Variants in TBL1XR1 observed in about 807,000 individuals in gnomAD.
The protein encoded by TBL1XR1 is TBL1X/Y related 1.
In TBL1XR1, 5 loss-of-function variants were observed where a neutral mutation model predicts 66.9. That is an observed-to-expected ratio of 0.07 (90% CI 0.04 to 0.16). The LOEUF is 0.16. Among genes scored for constraint, TBL1XR1 ranks in the 10% least tolerant of loss-of-function variants. The pLI, the probability that TBL1XR1 is intolerant of heterozygous loss-of-function variation, is 1.00. For missense variants in TBL1XR1, 238 were observed against 623.2 expected, an observed-to-expected ratio of 0.38 and a Z score of 6.58; for synonymous variants, 210 against 206.0, an observed-to-expected ratio of 1.02 and a Z score of -0.17.
At chr3:177,182,161 TG>T (rs201194874) in intron 1 of TBL1XR1, among the ~76,000 whole-genome samples, 3,108 of 152,154 alleles carry the variant, frequency 0.02, 55 homozygotes, top group Admixed American at 0.052. Context: ...CTACAGCAGG[TG>T]GATCACTTGA....
chr3:177,115,451 T>C (rs550304794), intron 1 of TBL1XR1, among the ~76,000 whole-genome samples: 192 of 152,286 alleles, frequency 1.3e-3, no homozygotes, highest in African/African-American at 4.4e-3. Context: ...CATAGTCATA[T>C]TGTGCTGCTT....
chr3:177,117,134 G>C (rs887691195), intron 1 of TBL1XR1, among the ~76,000 whole-genome samples: 2 of 152,156 alleles, frequency 1.3e-5, no homozygotes, highest in African/African-American at 2.4e-5. Flanking sequence ...CAAGATTATG[G>C]CTTTGAAGAA....
chr3:177,064,499 A>T (rs1718910522), intron 3 of TBL1XR1, among the ~76,000 whole-genome samples: 1 of 152,188 alleles, frequency 6.6e-6, no homozygotes, highest in Non-Finnish European at 1.5e-5. Context: ...ACTTAATTCA[A>T]ATAATAATTT....
intron 2 of TBL1XR1, among the ~76,000 whole-genome samples, chr3:177,077,662 T>G (rs1208299562): frequency 6.6e-6 from 1 of 152,226 alleles, no homozygotes; most frequent in Non-Finnish European, 1.5e-5. Context: ...GTGAGTATGC[T>G]GGTATCATTC....
chr3:177,075,009 A>G (rs1255242601), intron 2 of TBL1XR1, among the ~76,000 whole-genome samples: 1 of 152,230 alleles, frequency 6.6e-6, no homozygotes, highest in East Asian at 1.9e-4. Flanking sequence ...CTCAAAATCC[A>G]CATGTCCTTC....
At chr3:177,198,291 G>GC (rs1442605405), upstream of TBL1XR1, among the ~76,000 whole-genome samples, 1 of 152,162 alleles carries the variant, frequency 6.6e-6, no homozygotes, top group Non-Finnish European at 1.5e-5. Context: ...AATGTACTGT[G>GC]AATCAAGCAT....
At chr3:177,109,560 G>A (rs1725303072) in intron 1 of TBL1XR1, among the ~76,000 whole-genome samples, 1 of 152,094 alleles carries the variant, frequency 6.6e-6, no homozygotes, top group Non-Finnish European at 1.5e-5. Context: ...ACTAGAGATT[G>A]TTAACATTAA....
intron 1 of TBL1XR1, among the ~76,000 whole-genome samples, chr3:177,164,475 G>A (rs138450341): frequency 0.016 from 2,372 of 151,586 alleles, 56 homozygotes; most frequent in African/African-American, 0.054. Flanking sequence ...TTAGCCTCCC[G>A]AGTAGCTGGG....
intron 1 of TBL1XR1, among the ~76,000 whole-genome samples, chr3:177,174,408 CAA>C (rs59132617): frequency 3.6e-4 from 21 of 58,304 alleles, no homozygotes; most frequent in African/African-American, 1.2e-3. Context: ...GACTCCATCT[CAA>C]AAAAAAAAAA....
At chr3:177,112,110 T>TAC (rs1358252637) in intron 1 of TBL1XR1, among the ~76,000 whole-genome samples, 1 of 89,090 alleles carries the variant, frequency 1.1e-5, no homozygotes, top group Non-Finnish European at 2.1e-5. Context: ...TATATATATT[T>TAC]TTTTTTTTTT....
chr3:177,156,690 G>T (rs1487332972), intron 1 of TBL1XR1, among the ~76,000 whole-genome samples: 1 of 151,688 alleles, frequency 6.6e-6, no homozygotes, highest in African/African-American at 2.4e-5. Context: ...CAAAATATTT[G>T]AACAGTTCAC....
chr3:177,167,926 CA>C (rs1043557539), intron 1 of TBL1XR1, among the ~76,000 whole-genome samples: 1 of 150,420 alleles, frequency 6.6e-6, no homozygotes, highest in Non-Finnish European at 1.5e-5. Context: ...AACACTGTTT[CA>C]AAAAAAACAA....
At chr3:177,186,112 A>G (rs1169722082) in intron 1 of TBL1XR1, among the ~76,000 whole-genome samples, 1 of 152,228 alleles carries the variant, frequency 6.6e-6, no homozygotes, top group Non-Finnish European at 1.5e-5. Flanking sequence ...AAGGAAGTCC[A>G]AGGTCAAAGA....
chr3:177,067,237 T>C (rs1242420062), intron 2 of TBL1XR1, among the ~76,000 whole-genome samples: 1 of 152,232 alleles, frequency 6.6e-6, no homozygotes, highest in Non-Finnish European at 1.5e-5. Flanking sequence ...ATTTGATCAA[T>C]CATGAATATG....
chr3:177,119,267 C>T (rs1356142518), intron 1 of TBL1XR1, among the ~76,000 whole-genome samples: 1 of 152,208 alleles, frequency 6.6e-6, no homozygotes, highest in Non-Finnish European at 1.5e-5. Flanking sequence ...GCCACCGCAC[C>T]TGGCTGATAA....
At chr3:177,108,851 TAGAA>T (rs561828108) in intron 1 of TBL1XR1, among the ~76,000 whole-genome samples, 8 of 151,880 alleles carry the variant, frequency 5.3e-5, no homozygotes, top group Admixed American at 3.3e-4. Flanking sequence ...CCAGAGCAAA[TAGAA>T]GGAAGGAAGA....
chr3:177,187,664 A>C (rs946831864), intron 1 of TBL1XR1, among the ~76,000 whole-genome samples: 2 of 152,094 alleles, frequency 1.3e-5, no homozygotes, highest in African/African-American at 2.4e-5. Context: ...AAAAGCATCC[A>C]CTCAAAAACT....
chr3:177,134,282 C>T (rs1291894880), intron 1 of TBL1XR1, among the ~76,000 whole-genome samples: 1 of 152,068 alleles, frequency 6.6e-6, no homozygotes, highest in Non-Finnish European at 1.5e-5. Context: ...AACCTGGAGT[C>T]AAGGAACCAA....
At chr3:177,094,838 G>A (rs1474043532) in intron 2 of TBL1XR1, among the ~76,000 whole-genome samples, 1 of 152,070 alleles carries the variant, frequency 6.6e-6, no homozygotes, top group Non-Finnish European at 1.5e-5. Context: ...GGGGGATGGA[G>A]AGGGATGAAA....
Sources: allele counts gnomAD v4.1 joint callset (sites outside exome capture counted in the v4.1 genomes callset), GRCh38; gene constraint gnomAD v4.1.1; transcripts MANE v1.5; gene names NCBI Gene and HGNC (gene_info 2026-07-23, HGNC 2026-07-21).